The following CLSTN2 variants were observed in gnomAD, a reference collection of about 807,000 sequenced individuals.
CLSTN2 encodes calsyntenin 2, also known as calsyntenin-2.
In CLSTN2, 48 loss-of-function variants were observed where a neutral mutation model predicts 101.2. The ratio of observed to expected loss-of-function variants is 0.47; its 90% CI spans 0.38 to 0.60. The LOEUF is 0.60. Among genes scored for constraint, CLSTN2 ranks in the 20% least tolerant of loss-of-function variants. CLSTN2 has a pLI of 0.00. For synonymous variants in CLSTN2, 481 were observed against 463.6 expected, an observed-to-expected ratio of 1.04 and a Z score of -0.48; for missense variants, 1,160 against 1,238.2, an observed-to-expected ratio of 0.94 and a Z score of 0.95.
chr3:140,378,603 A>T (rs2087945526), intron 2 of CLSTN2, among the ~76,000 whole-genome samples: 1 of 152,164 alleles, frequency 6.6e-6, no homozygotes. Context: ...TGGCACTATG[A>T]TCCTATTGTT....
intron 2 of CLSTN2, among the ~76,000 whole-genome samples, chr3:140,200,756 A>C (rs2010708507): frequency 6.6e-6 from 1 of 152,192 alleles, no homozygotes; most frequent in East Asian, 1.9e-4. Context: ...TGAATTTAAC[A>C]CATATTATTG....
At chr3:140,320,606 T>G (rs1197956962) in intron 2 of CLSTN2, among the ~76,000 whole-genome samples, 1 of 142,344 alleles carries the variant, frequency 7.0e-6, no homozygotes, top group Non-Finnish European at 1.5e-5. Flanking sequence ...TTTGTGTTTT[T>G]TTTGCGGGGG....
intron 2 of CLSTN2, among the ~76,000 whole-genome samples, chr3:140,282,771 G>T: frequency 6.6e-6 from 1 of 152,104 alleles, no homozygotes; most frequent in East Asian, 1.9e-4. Flanking sequence ...TTTGAAGCTA[G>T]GTCTCAATTC....
chr3:140,467,698 C>T (rs1933741153), intron 8 of CLSTN2, among the ~76,000 whole-genome samples: 1 of 152,188 alleles, frequency 6.6e-6, no homozygotes, highest in Admixed American at 6.5e-5. Flanking sequence ...CTACCTGCCT[C>T]ACCTTGCTGA....
intron 2 of CLSTN2, among the ~76,000 whole-genome samples, chr3:140,212,166 G>C (rs2010863802): frequency 6.6e-6 from 1 of 152,212 alleles, no homozygotes; most frequent in African/African-American, 2.4e-5. Context: ...GGTGCTTGCT[G>C]TGAGCATTTC....
At chr3:140,268,100 A>G (rs1209279392) in intron 2 of CLSTN2, among the ~76,000 whole-genome samples, 2 of 152,176 alleles carry the variant, frequency 1.3e-5, no homozygotes, top group East Asian at 3.9e-4. Context: ...GAAAAGAGCT[A>G]TCGGGGTGAA....
chr3:140,345,577 T>C (rs2087538542), intron 2 of CLSTN2, among the ~76,000 whole-genome samples: 1 of 151,582 alleles, frequency 6.6e-6, no homozygotes, highest in Admixed American at 6.6e-5. Flanking sequence ...ATGCAGGATT[T>C]ATCATTGGTG....
At position 139,935,316 on chromosome 3, in the gene CLSTN2, G is replaced by A. The variant is rs997240525; in HGVS notation, c.-59G>A. The A allele has an allele frequency of 3.1e-6, 3 of 960,496 alleles. No individual in the cohort carries two copies. The highest frequency in any genetic ancestry group is 4.0e-6 in the Non-Finnish European group (3 of 743,744). 59.5% of individuals were successfully genotyped at this position (960,496 alleles called of 1,614,324 possible). A position where few individuals can be genotyped will look rare whatever the true frequency, so the allele number is the denominator to read the frequency against. Reference sequence around the variant, plus strand: ...GCCCACGGTGCGGCAGGCACCGGGAGGCGAGAGCCGGCGCGGACAGTAGGC... The same window carrying A: ...GCCCACGGTGCGGCAGGCACCGGGAAGCGAGAGCCGGCGCGGACAGTAGGC... On this transcript the variant is annotated 5_prime_UTR_variant, in exon 1 of 17. Coordinates refer to ENST00000458420, the MANE Select transcript of CLSTN2 (RefSeq NM_022131.3). This position sits in a 1 kb window ranked among gnomAD's most constrained non-coding sequence, Gnocchi z 5.5.
At chr3:140,445,965 C>G (rs1040421839) in intron 5 of CLSTN2, among the ~76,000 whole-genome samples, 4 of 152,038 alleles carry the variant, frequency 2.6e-5, no homozygotes, top group African/African-American at 9.7e-5. Flanking sequence ...GGGCATCTAC[C>G]TAGACTGGAG....
chr3:139,937,802 A>G (rs1935054485), intron 1 of CLSTN2, among the ~76,000 whole-genome samples: 2 of 152,068 alleles, frequency 1.3e-5, no homozygotes, highest in Non-Finnish European at 2.9e-5. Context: ...TAAAAAGTTT[A>G]TTGGCCCTGC....
intron 2 of CLSTN2, among the ~76,000 whole-genome samples, chr3:140,230,549 C>A (rs547828500): frequency 3.9e-5 from 6 of 152,262 alleles, no homozygotes; most frequent in African/African-American, 1.4e-4. Flanking sequence ...GGATTAGTGC[C>A]TTTATAAAAC....
intron 5 of CLSTN2, among the ~76,000 whole-genome samples, chr3:140,427,173 C>CA (rs11422400): frequency 0.081 from 7,208 of 89,200 alleles, 555 homozygotes; most frequent in Admixed American, 0.2. Flanking sequence ...GAGACTGTCT[C>CA]AAAAAAAAAA....
At chr3:140,006,438 A>G (rs1452682380) in intron 1 of CLSTN2, among the ~76,000 whole-genome samples, 2 of 152,192 alleles carry the variant, frequency 1.3e-5, no homozygotes, top group African/African-American at 4.8e-5. Flanking sequence ...TCCATATGCA[A>G]ATGTTCATGG....
chr3:140,541,156 CA>C (rs1325997132), intron 9 of CLSTN2, among the ~76,000 whole-genome samples: 1 of 152,204 alleles, frequency 6.6e-6, no homozygotes, highest in Non-Finnish European at 1.5e-5. Flanking sequence ...GCATGTAGGC[CA>C]AAGGCTTGGA....
intron 1 of CLSTN2, among the ~76,000 whole-genome samples, chr3:140,012,987 G>A (rs2007119449): frequency 6.6e-6 from 1 of 152,132 alleles, no homozygotes; most frequent in Non-Finnish European, 1.5e-5. Context: ...AGGGGGAAGA[G>A]GGCTGTCTTG....
intron 2 of CLSTN2, among the ~76,000 whole-genome samples, chr3:140,195,783 A>G (rs2010635300): frequency 6.6e-6 from 1 of 152,220 alleles, no homozygotes; most frequent in African/African-American, 2.4e-5. Flanking sequence ...GAAGTTACCT[A>G]GGCAATACAG....
At chr3:140,277,081 A>G (rs1318697594) in intron 2 of CLSTN2, among the ~76,000 whole-genome samples, 1 of 152,232 alleles carries the variant, frequency 6.6e-6, no homozygotes, top group African/African-American at 2.4e-5. Context: ...TGTATTCAAG[A>G]CTGAGCACGC....
intron 1 of CLSTN2, among the ~76,000 whole-genome samples, chr3:140,137,431 C>A (rs2009631574): frequency 6.6e-6 from 1 of 152,114 alleles, no homozygotes; most frequent in Admixed American, 6.6e-5. Flanking sequence ...ACAAACTAGA[C>A]TAGGTTCCTG....
In CLSTN2 at chr3:140,562,943, A is replaced by G. The variant is rs1483224930; in HGVS notation, c.2345A>G (p.Glu782Gly). ...SELNGRYTSN[E>G]FNLEVSILHE... ...CTCAATGGGCGCTACACTAGCAATG[A>G]GTTCAACTTGGAGGTGAGTGGGTCC... is the stretch of plus-strand genomic sequence containing the variant. The change falls in exon 14 of 17, where the codon GAG (glutamate) becomes GGG (glycine). Residue 782 changes from glutamate to glycine, a missense_variant. By Grantham distance (98) the Glu-to-Gly change is moderately conservative (BLOSUM62 -2). Transcript: ENST00000458420. 6.2e-7 allele frequency: 1 copy of G among 1,614,132 alleles called. No homozygotes were observed. Among genetic ancestry groups the G allele is most frequent in the Non-Finnish European group, 8.5e-7 (1 of 1,180,002 alleles).
Sources: allele counts gnomAD v4.1 joint callset (sites outside exome capture counted in the v4.1 genomes callset), GRCh38; gene constraint gnomAD v4.1.1; non-coding constraint Gnocchi (gnomAD v3.1); transcripts MANE v1.5; gene names NCBI Gene and HGNC (gene_info 2026-07-23, HGNC 2026-07-21).